The following CDH2 variants were observed in gnomAD, a reference collection of about 807,000 sequenced individuals.
CDH2 encodes the protein cadherin-2.
In CDH2, 17 loss-of-function variants were observed where a neutral mutation model predicts 92.0. The ratio of observed to expected loss-of-function variants is 0.18; its 90% CI spans 0.13 to 0.28. The LOEUF (loss-of-function observed/expected upper bound fraction) is 0.28. CDH2 is among the 10% of genes least tolerant of loss of function. CDH2 has a pLI of 1.00. For missense variants in CDH2, 862 were observed against 1,133.1 expected, an observed-to-expected ratio of 0.76 and a Z score of 3.44; for synonymous variants, 419 against 415.9, an observed-to-expected ratio of 1.01 and a Z score of -0.09.
At chr18:28,116,403 T>C (rs2015496771) in intron 2 of CDH2, among the ~76,000 whole-genome samples, 1 of 152,216 alleles carries the variant, frequency 6.6e-6, no homozygotes. Flanking sequence ...TTTACTGTTT[T>C]AGCACATTTT....
intron 15 of CDH2, among the ~76,000 whole-genome samples, chr18:27,960,041 C>CACACACACACAA: frequency 6.6e-6 from 1 of 151,968 alleles, no homozygotes; most frequent in South Asian, 2.1e-4. Flanking sequence ...CACACACACA[C>CACACACACACAA]ACACACAAAC....
At chr18:28,037,828 A>G (rs2013866369) in intron 2 of CDH2, among the ~76,000 whole-genome samples, 1 of 152,178 alleles carries the variant, frequency 6.6e-6, no homozygotes, top group African/African-American at 2.4e-5. Flanking sequence ...AAGGCTAGCA[A>G]AGCTCTCAAG....
chr18:28,044,723 A>G (rs777637369), intron 2 of CDH2, among the ~76,000 whole-genome samples: 1 of 152,128 alleles, frequency 6.6e-6, no homozygotes, highest in African/African-American at 2.4e-5. Context: ...CCTGCTAATT[A>G]TTAGATGTGG....
downstream of CDH2, among the ~76,000 whole-genome samples, chr18:27,949,630 CAAAAG>C (rs1322627702): frequency 6.6e-6 from 1 of 151,566 alleles, no homozygotes; most frequent in African/African-American, 2.4e-5. Context: ...TTCATAAAAA[CAAAAG>C]AAAATCATTA....
At chr18:28,111,120 G>A (rs2015404271) in intron 2 of CDH2, among the ~76,000 whole-genome samples, 2 of 152,198 alleles carry the variant, frequency 1.3e-5, no homozygotes, top group Non-Finnish European at 2.9e-5. Flanking sequence ...GTCTGCAGTG[G>A]CGCCCCTGGC....
At chr18:27,968,982 G>C (rs1209121792) in intron 14 of CDH2, among the ~76,000 whole-genome samples, 2 of 152,250 alleles carry the variant, frequency 1.3e-5, no homozygotes, top group African/African-American at 2.4e-5. Flanking sequence ...TAGTGATAAG[G>C]TGTCAACATA....
At chr18:28,163,510 A>G (rs2016335902) in intron 1 of CDH2, among the ~76,000 whole-genome samples, 2 of 152,350 alleles carry the variant, frequency 1.3e-5, no homozygotes, top group Admixed American at 6.5e-5. Context: ...ATTCTCATAT[A>G]AAGTTTGGGG....
intron 13 of CDH2, among the ~76,000 whole-genome samples, chr18:27,983,294 C>T (rs2012119467): frequency 6.6e-6 from 1 of 152,132 alleles, no homozygotes; most frequent in Non-Finnish European, 1.5e-5. Flanking sequence ...GCCTGGGCTC[C>T]CATCCCTGGT....
chr18:27,990,428 C>A, intron 9 of CDH2, 78 bp from the exon 10 acceptor site: 2 of 1,363,250 alleles, frequency 1.5e-6, no homozygotes, highest in South Asian at 1.4e-5. Flanking sequence ...TCTATCAACT[C>A]CATTTCCAAA....
At chr18:28,101,183 A>C (rs531773285) in intron 2 of CDH2, among the ~76,000 whole-genome samples, 2 of 152,280 alleles carry the variant, frequency 1.3e-5, no homozygotes, top group Admixed American at 6.5e-5. Flanking sequence ...GGCTTAAATA[A>C]CTTTCTAGTT....
At chr18:27,971,973 T>C (rs1306246981) in intron 14 of CDH2, among the ~76,000 whole-genome samples, 1 of 152,184 alleles carries the variant, frequency 6.6e-6, no homozygotes, top group Non-Finnish European at 1.5e-5. Flanking sequence ...TTGGGCTTGA[T>C]TGCCCACATT....
At chr18:28,050,817 C>T (rs2014176633) in intron 2 of CDH2, among the ~76,000 whole-genome samples, 1 of 152,140 alleles carries the variant, frequency 6.6e-6, no homozygotes, top group Non-Finnish European at 1.5e-5. Context: ...AGGAGAAGTA[C>T]AGCCTAGAAA....
chr18:28,008,944 T>A (rs2013020473), intron 5 of CDH2, among the ~76,000 whole-genome samples: 1 of 152,038 alleles, frequency 6.6e-6, no homozygotes, highest in African/African-American at 2.4e-5. Flanking sequence ...TAGCTAGTCA[T>A]AAAGGAAAAA....
At chr18:28,007,156 T>TAA (rs753614802) in intron 5 of CDH2, among the ~76,000 whole-genome samples, 15,331 of 106,200 alleles carry the variant, frequency 0.14, 1,435 homozygotes, top group Non-Finnish European at 0.18. Flanking sequence ...TGAGACTCCA[T>TAA]AAAAAAAAAA....
intron 2 of CDH2, among the ~76,000 whole-genome samples, chr18:28,076,860 C>T (rs12454718): frequency 0.022 from 3,345 of 151,786 alleles, 55 homozygotes; most frequent in Non-Finnish European, 0.034. Flanking sequence ...AAAATTATAA[C>T]CAAATAAAAT....
At chr18:28,026,577 G>A in intron 2 of CDH2, among the ~76,000 whole-genome samples, 1 of 152,100 alleles carries the variant, frequency 6.6e-6, no homozygotes, top group East Asian at 1.9e-4. Flanking sequence ...TCATTCTCTT[G>A]ATACCTGGAA....
At chr18:28,006,030 T>A in intron 5 of CDH2, 37 bp from the exon 6 acceptor site, 1 of 1,533,084 alleles carries the variant, frequency 6.5e-7, no homozygotes, top group Non-Finnish European at 9.0e-7. Flanking sequence ...TTTAACAGAT[T>A]TATGTCTGTG....
At chr18:28,083,492 C>G (rs1394909767) in intron 2 of CDH2, among the ~76,000 whole-genome samples, 1 of 151,950 alleles carries the variant, frequency 6.6e-6, no homozygotes, top group African/African-American at 2.4e-5. Context: ...TGAAAAAGAC[C>G]TTAGAGATCA....
intron 2 of CDH2, among the ~76,000 whole-genome samples, chr18:28,084,723 T>G (rs1599088283): frequency 6.6e-6 from 1 of 152,204 alleles, no homozygotes; most frequent in East Asian, 1.9e-4. Context: ...AATCCTAAAC[T>G]TGGGATCAAT....
Sources: gnomAD v4.1 joint callset for allele counts (sites outside exome capture counted in the v4.1 genomes callset) on GRCh38, gnomAD v4.1.1 for gene constraint, MANE v1.5 for transcripts, NCBI Gene and HGNC (gene_info 2026-07-23, HGNC 2026-07-21) for gene names.